ZNF577: variants seen among roughly 807,000 people sequenced by gnomAD.
ZNF577 encodes zinc finger protein 577.
In ZNF577, 14 loss-of-function variants were observed where a neutral mutation model predicts 13.9. That is an observed-to-expected ratio of 1.00 (90% CI 0.66 to 1.57). The LOEUF is 1.57. Among genes scored for constraint, ZNF577 ranks in the 40% most tolerant of loss-of-function variants. ZNF577 has a pLI of 0.00. For missense variants in ZNF577, 555 were observed against 579.2 expected (o/e 0.96, Z 0.43); for synonymous variants, 203 against 202.9 (o/e 1.00, Z 0.00).
At chr19:51,877,787 C>G (rs1008919157) in intron 4 of ZNF577, 1 of 167,310 alleles carries the variant, frequency 6.0e-6, no homozygotes, top group Non-Finnish European at 1.3e-5. Context: ...AAAGCAGGGT[C>G]TCAAAGAGAT....
intron 5 of ZNF577, among the ~76,000 whole-genome samples, chr19:51,854,516 T>TTTTTTTTTA (rs1273500747): frequency 6.7e-6 from 1 of 149,456 alleles, no homozygotes; most frequent in African/African-American, 2.5e-5. Context: ...TTTTTTTTTT[T>TTTTTTTTTA]AGAGATGGGG....
intron 5 of ZNF577, chr19:51,844,963 T>G (rs1311371114): frequency 6.6e-6 from 1 of 152,202 alleles, no homozygotes; most frequent in South Asian, 2.1e-4. Context: ...TGTTTTAAAG[T>G]AGAAATAATA....
chr19:51,833,700 G>A (rs1350143611), intron 9 of ZNF577, among the ~76,000 whole-genome samples: 1 of 152,110 alleles, frequency 6.6e-6, no homozygotes, highest in Non-Finnish European at 1.5e-5. Context: ...GGCAGGTCAG[G>A]GAATAGGAGA....
intron 8 of ZNF577, chr19:51,842,725 C>G (rs1009888858): frequency 1.3e-5 from 2 of 152,122 alleles, no homozygotes; most frequent in African/African-American, 4.8e-5. Context: ...GTTCACAGAC[C>G]ATGAGAAAAT....
At position 51,870,974 on chromosome 19, in the gene ZNF577, G is replaced by C. The variant is rs1893438537; in HGVS notation, c.*1558C>G. Among the ~76,000 whole-genome samples, 1 of 152,124 alleles carries C rather than the reference G, an allele frequency of 6.6e-6. No individual in the cohort carries two copies. ...CATCTTTTTTAGATATTTAAGGCAG[G>C]AGATTATATACATTAGACATTTACT... On this transcript the variant is annotated 3_prime_UTR_variant, in exon 6 of 6. Coordinates refer to ENST00000638348, the MANE Select transcript of ZNF577 (RefSeq NM_001370449.1).
At chr19:51,882,014 C>G (rs1457447551) in intron 1 of ZNF577, among the ~76,000 whole-genome samples, 1 of 152,180 alleles carries the variant, frequency 6.6e-6, no homozygotes, top group African/African-American at 2.4e-5. Context: ...CTGGTAAACG[C>G]ACTGGTCAAG....
At chr19:51,814,026 C>A (rs562749968) in intron 9 of ZNF577, among the ~76,000 whole-genome samples, 1 of 152,248 alleles carries the variant, frequency 6.6e-6, no homozygotes, top group South Asian at 2.1e-4. Flanking sequence ...AAATGAAAAC[C>A]AATTTTTATT....
chr19:51,858,797 GTGCCAGAGTTCA>G (rs546966585), intron 5 of ZNF577, among the ~76,000 whole-genome samples: 26 of 152,080 alleles, frequency 1.7e-4, no homozygotes, highest in Admixed American at 4.6e-4. Flanking sequence ...CATATTTGAA[GTGCCAGAGTTCA>G]TGCAATATTT....
intron 1 of ZNF577, among the ~76,000 whole-genome samples, chr19:51,884,959 A>G (rs925092360): frequency 6.6e-6 from 1 of 152,264 alleles, no homozygotes; most frequent in Admixed American, 6.5e-5. Flanking sequence ...ATATTGATTT[A>G]TAGCTTAATT....
Position 51,877,351 on chromosome 19 carries a change from G to A in ZNF577, c.214C>T (p.Leu72Phe). Reference sequence around the variant, plus strand: ...GGTTCTCCTTGCTCCAACTTGAAGAGCGAATCTGGCTTGGTGCCTCGATAC... The same window carrying A: ...GGTTCTCCTTGCTCCAACTTGAAGAACGAATCTGGCTTGGTGCCTCGATAC... The part of the protein sequence containing the change: ...IGYRGTKPDS[L>F]FKLEQGEPPG... The change falls in exon 5 of 6, where the codon CTC becomes TTC. Residue 72 changes from leucine (L) to phenylalanine (F), a missense_variant. Leu to Phe is a conservative substitution (Grantham distance 22). Coordinates refer to ENST00000638348, the MANE Select transcript of ZNF577 (RefSeq NM_001370449.1). 3 of 1,614,134 alleles carry A rather than the reference G, an allele frequency of 1.9e-6. No individual in the cohort carries two copies. The highest frequency in any genetic ancestry group is 1.7e-5 in the Admixed American group (1 of 60,018).
intron 9 of ZNF577, among the ~76,000 whole-genome samples, chr19:51,837,683 G>C (rs2122533308): frequency 6.6e-6 from 1 of 152,214 alleles, no homozygotes; most frequent in African/African-American, 2.4e-5. Flanking sequence ...CAGAAATGAG[G>C]TGAGTGGCTG....
chr19:51,849,459 G>A (rs1292695911), intron 5 of ZNF577, among the ~76,000 whole-genome samples: 1 of 152,104 alleles, frequency 6.6e-6, no homozygotes, highest in Admixed American at 6.6e-5. Flanking sequence ...CTTGTAAAAG[G>A]ACTTACAGGA....
chr19:51,817,172 T>C (rs548845126), intron 9 of ZNF577, among the ~76,000 whole-genome samples: 135 of 152,280 alleles, frequency 8.9e-4, no homozygotes, highest in African/African-American at 3.1e-3. Flanking sequence ...AAACCCTGAG[T>C]TTCTGTCACT....
At chr19:51,878,941 A>G in intron 3 of ZNF577, 1 of 160,724 alleles carries the variant, frequency 6.2e-6, no homozygotes, top group East Asian at 1.7e-4. Flanking sequence ...CAAATAATAT[A>G]TGATCTAAGA....
intron 5 of ZNF577, among the ~76,000 whole-genome samples, chr19:51,858,727 C>G (rs896313498): frequency 2.6e-5 from 4 of 152,046 alleles, no homozygotes; most frequent in Non-Finnish European, 5.9e-5. Flanking sequence ...AACTAGAATA[C>G]CCACTAGAAG....
At chr19:51,816,572 C>A (rs1447332950) in intron 9 of ZNF577, among the ~76,000 whole-genome samples, 1 of 152,122 alleles carries the variant, frequency 6.6e-6, no homozygotes, top group Non-Finnish European at 1.5e-5. Context: ...TAGAATAAAC[C>A]AATAAATGAA....
At chr19:51,884,789 T>C (rs2084917227) in intron 1 of ZNF577, among the ~76,000 whole-genome samples, 1 of 152,242 alleles carries the variant, frequency 6.6e-6, no homozygotes, top group African/African-American at 2.4e-5. Context: ...AGAATTCTTA[T>C]TAAAATGCAA....
chr19:51,861,187 C>T (rs187362702), intron 5 of ZNF577: 10 of 272,620 alleles, frequency 3.7e-5, no homozygotes, highest in Non-Finnish European at 5.2e-5. Context: ...GGTGCAATCT[C>T]GGCTTACTGC....
intron 9 of ZNF577, among the ~76,000 whole-genome samples, chr19:51,814,167 A>G (rs61514035): frequency 0.075 from 11,490 of 152,246 alleles, 1,134 homozygotes; most frequent in African/African-American, 0.23. Flanking sequence ...GGAGAAAAGA[A>G]AAAATAGTTG....
Sources: gnomAD v4.1 joint callset for allele counts (sites outside exome capture counted in the v4.1 genomes callset) on GRCh38, gnomAD v4.1.1 for gene constraint, MANE v1.5 for transcripts, NCBI Gene and HGNC (gene_info 2026-07-23, HGNC 2026-07-21) for gene names.